The following HPSE variants were observed in gnomAD, a reference collection of about 807,000 sequenced individuals.
The protein encoded by HPSE is endo-glucoronidase.
A neutral mutation model predicts 65.1 loss-of-function variants in HPSE; 48 were observed. The observed-to-expected ratio is 0.74, with a 90% confidence interval of 0.58 to 0.94. The LOEUF (loss-of-function observed/expected upper bound fraction) is 0.94, where lower values mean the gene tolerates loss of function less well. Ranked by LOEUF, HPSE falls within the 40% of genes least tolerant of loss-of-function variation. The pLI is 0.00. For missense variants in HPSE, 644 were observed against 637.5 expected, an observed-to-expected ratio of 1.01 and a Z score of -0.11; for synonymous variants, 243 against 260.0, an observed-to-expected ratio of 0.93 and a Z score of 0.63.
intron 4 of HPSE, among the ~76,000 whole-genome samples, chr4:83,311,917 T>C (rs1736395035): frequency 6.6e-6 from 1 of 152,166 alleles, no homozygotes; most frequent in South Asian, 2.1e-4. Flanking sequence ...TGAATAAATG[T>C]GGCGAATCAT....
At chr4:83,333,682 G>A (rs934672410) in intron 1 of HPSE, among the ~76,000 whole-genome samples, 1 of 152,010 alleles carries the variant, frequency 6.6e-6, no homozygotes. Context: ...CTCAGGTAAG[G>A]AAAAAACTTA....
At chr4:83,297,608 G>A (rs1345845936) in intron 11 of HPSE, among the ~76,000 whole-genome samples, 1 of 152,148 alleles carries the variant, frequency 6.6e-6, no homozygotes, top group Non-Finnish European at 1.5e-5. Flanking sequence ...GCATCAGTGA[G>A]CAGAAAAACT....
At chr4:83,297,718 C>CA (rs966875165) in intron 11 of HPSE, among the ~76,000 whole-genome samples, 2 of 152,128 alleles carry the variant, frequency 1.3e-5, no homozygotes, top group African/African-American at 4.8e-5. Context: ...AGCATGCCTG[C>CA]ATTGCAGTTG....
rs966168305 is a variant in HPSE, at chr4:83,326,397, A to G, written c.228-4033T>C. Among the ~76,000 whole-genome samples, 1 of 152,164 alleles carries G rather than the reference A, an allele frequency of 6.6e-6. No homozygotes were observed. Among genetic ancestry groups the G allele is most frequent in the African/African-American group, 2.4e-5 (1 of 41,438 alleles). ...TTAATTGGATGTTGAGGAGGAGTCA[A>G]GGATTACTCCTGGGAAGCTCCTTGG... On this transcript the variant is annotated intron_variant, in intron 1 of 11. Transcript: ENST00000311412. The surrounding 1 kb of genome is among the most constrained non-coding windows in gnomAD (Gnocchi z 4.2).
chr4:83,319,172 C>CA lies in HPSE; in HGVS notation c.499+171dup, dbSNP rs201446774. ...CAATGTCAGATGAAGAAAAAACAAA[C>CA]AAAAAAAAAACCAAAAAGCAAGTTT... On this transcript the variant is annotated intron_variant, in intron 3 of 11. Transcript: ENST00000311412. Among the ~76,000 whole-genome samples, 475 of 128,722 alleles carry CA rather than the reference C, an allele frequency of 3.7e-3. 3 individuals are homozygous for CA. Among genetic ancestry groups the CA allele is most frequent in the African/African-American group, 0.013 (451 of 35,184 alleles). 84.4% of individuals were successfully genotyped at this position (128,722 alleles called of 152,430 possible).
chr4:83,309,821 T>C (rs1165978839), intron 6 of HPSE, among the ~76,000 whole-genome samples: 1 of 152,250 alleles, frequency 6.6e-6, no homozygotes, highest in Non-Finnish European at 1.5e-5. Flanking sequence ...CTGTATAAAG[T>C]GATCTTTATA....
At chr4:83,297,697 T>C (rs140982427) in intron 11 of HPSE, among the ~76,000 whole-genome samples, 1 of 152,336 alleles carries the variant, frequency 6.6e-6, no homozygotes, top group East Asian at 1.9e-4. Context: ...CCCATGATTG[T>C]AGCAGAGGTT....
rs1011087161 is a variant in HPSE, at chr4:83,293,895, G to A, written c.*1449C>T. 20 of 152,142 alleles carry A rather than the reference G, an allele frequency of 1.3e-4. No individual in the cohort carries two copies. The highest frequency in any genetic ancestry group is 2.9e-4 in the African/African-American group (12 of 41,422). The allele number at this position is 152,142 out of a possible 1,614,324, so 9.4% of individuals were successfully genotyped here. On this transcript the variant is annotated 3_prime_UTR_variant, in exon 12 of 12. Transcript: ENST00000311412. ...CTTTTACAACCAGTTTCACGGTAAC[G>A]GCAGTATGCTTTTTCTGATGGGTGC...
Position 83,295,472 on chromosome 4 carries a change from T to A in HPSE, c.1504A>T (p.Met502Leu). ...SVQLNGLTLK[M>L]VDDQTLPPLM... is the part of the protein sequence containing the mutation. ...GGTGGCAAGGTTTGATCATCCACCATCTTTAGAGTTAGACCATTGAGTTGG... is the reference window on the plus strand; with the variant it reads ...GGTGGCAAGGTTTGATCATCCACCAACTTTAGAGTTAGACCATTGAGTTGG... Residue 502 changes from methionine to leucine, a missense_variant, in exon 12 of 12, where the codon ATG (methionine) becomes TTG (leucine). By Grantham distance (15) the Met-to-Leu change is conservative. Transcript: ENST00000311412. The A allele has an allele frequency of 6.2e-7, 1 of 1,611,154 alleles. No homozygotes were observed. The highest frequency in any genetic ancestry group is 8.5e-7 in the Non-Finnish European group (1 of 1,178,218).
chr4:83,304,185 C>A (rs894743444), intron 9 of HPSE, among the ~76,000 whole-genome samples: 2 of 152,036 alleles, frequency 1.3e-5, no homozygotes, highest in African/African-American at 2.4e-5. Context: ...TCTGGGGTGG[C>A]AAGTTGTGGG....
Position 83,301,004 on chromosome 4 carries a change from A to C in HPSE, c.1428T>G (p.Asp476Glu), listed in dbSNP as rs145560091. Residue 476 changes from aspartate to glutamate, a missense_variant, in exon 11 of 12, where the codon GAT (aspartate) becomes GAG (glutamate). Transcript: ENST00000311412. ...GTCCCAAAGGTCTTAGAAGGTATTT[A>C]TCCACTTGCTTGTTAGAAAAAGGAT... is the stretch of plus-strand genomic sequence containing the variant. ...LPYPFSNKQVDKYLLRPLGPH... is the reference protein window; with the variant it reads ...LPYPFSNKQVEKYLLRPLGPH... 2,131 of 1,609,760 alleles carry C rather than the reference A, an allele frequency of 1.3e-3. 3 individuals are homozygous for C. Among genetic ancestry groups the C allele is most frequent in the Non-Finnish European group, 1.7e-3 (2,015 of 1,177,008 alleles).
At chr4:83,303,608 G>A (rs1736042393) in intron 9 of HPSE, among the ~76,000 whole-genome samples, 1 of 152,214 alleles carries the variant, frequency 6.6e-6, no homozygotes, top group Non-Finnish European at 1.5e-5. Flanking sequence ...GGAGTGCAGT[G>A]GTGTGAATGC....
rs1736791999 is a variant in HPSE at position 83,319,463 on chromosome 4, CA to C, written c.379del (p.Cys127AlafsTer44). ...ATCAGGAGGGATGGATCCATATTTG[CA>C]AATATCTGCAAGTGGAAGAGATCAT... ...YWQSQVNQDI[C>X]KYGSIPPDVE... On this transcript the variant is annotated frameshift_variant, in exon 3 of 12. Transcript: ENST00000311412. LOFTEE classifies it high-confidence loss of function. The C allele has an allele frequency of 1.9e-6, 3 of 1,613,530 alleles. No individual in the cohort carries two copies. Among genetic ancestry groups the C allele is most frequent in the Non-Finnish European group, 1.7e-6 (2 of 1,179,604 alleles).
chr4:83,295,610 G>T, intron 11 of HPSE, 107 bp from the exon 12 acceptor site: 1 of 792,262 alleles, frequency 1.3e-6, no homozygotes, highest in Non-Finnish European at 1.9e-6. Flanking sequence ...TTTTTTTGTG[G>T]CAGCCTATAT....
chr4:83,306,274 C>G lies in HPSE; in HGVS notation c.1135G>C (p.Val379Leu). The G allele has an allele frequency of 2.5e-6, 4 of 1,613,938 alleles. No individual in the cohort carries two copies. Among genetic ancestry groups the G allele is most frequent in the Middle Eastern group, 1.6e-4 (1 of 6,062 alleles). Residue 379 changes from valine to leucine, a missense_variant, in exon 9 of 12, where the codon GTG becomes CTG. Physicochemically the swap from Val to Leu is conservative, Grantham distance 32 (BLOSUM62 1). Coordinates refer to ENST00000311412, the MANE Select transcript of HPSE (RefSeq NM_001098540.3). ...LGLSARMGIE[V>L]VMRQVFFGAG... ...CCAAAGAATACTTGCCTCATCACCA[C>G]TTCTATTCCCATTCGGGCTGACAGG...
intron 3 of HPSE, among the ~76,000 whole-genome samples, chr4:83,316,376 C>G (rs1027099080): frequency 6.6e-6 from 1 of 151,882 alleles, no homozygotes; most frequent in Non-Finnish European, 1.5e-5. Context: ...ACCACCTAGC[C>G]TACTCCTTAC....
At chr4:83,322,132 G>T in intron 2 of HPSE, 87 bp downstream of exon 2, 2 of 1,099,876 alleles carry the variant, frequency 1.8e-6, no homozygotes, top group South Asian at 1.4e-5. Flanking sequence ...TTAATTGTTA[G>T]GTGTGAGAAA....
chr4:83,322,449 A>G, intron 1 of HPSE, 85 bp from the exon 2 acceptor site: 1 of 1,140,088 alleles, frequency 8.8e-7, no homozygotes. Flanking sequence ...TTCCTGGTGG[A>G]CCTATTTCTT....
intron 1 of HPSE, among the ~76,000 whole-genome samples, chr4:83,329,495 G>T (rs990887780): frequency 3.3e-5 from 5 of 152,178 alleles, no homozygotes; most frequent in Admixed American, 3.3e-4. Flanking sequence ...AAGCTGTTCA[G>T]TGGAGGTATT....
Sources: allele counts gnomAD v4.1 joint callset (sites outside exome capture counted in the v4.1 genomes callset), GRCh38; gene constraint gnomAD v4.1.1; non-coding constraint Gnocchi (gnomAD v3.1); transcripts MANE v1.5; gene names NCBI Gene and HGNC (gene_info 2026-07-23, HGNC 2026-07-21).